The following ZNF175 variants were observed in gnomAD, a reference collection of about 807,000 sequenced individuals.
ZNF175 encodes zinc finger protein OTK18.
Under a neutral mutation model 14.0 loss-of-function variants are expected in ZNF175, and 8 were observed. The observed-to-expected ratio is 0.57, with a 90% confidence interval of 0.34 to 1.03. The LOEUF is 1.03. ZNF175 is among the 50% of genes least tolerant of loss of function. The pLI is 0.03. For synonymous variants in ZNF175, 255 were observed against 296.8 expected (o/e 0.86, Z 1.45); for missense variants, 764 against 849.5 (o/e 0.90, Z 1.25).
intron 2 of ZNF175, chr19:51,574,264 A>G (rs1170512067): frequency 1.3e-5 from 2 of 151,648 alleles, no homozygotes; most frequent in East Asian, 1.9e-4. Flanking sequence ...TCAACCTGCT[A>G]GAAACATTTG....
chr19:51,575,102 CT>C (rs957177083), intron 2 of ZNF175, among the ~76,000 whole-genome samples: 11 of 149,356 alleles, frequency 7.4e-5, no homozygotes, highest in Non-Finnish European at 1.2e-4. Flanking sequence ...TACAAACAGG[CT>C]TTTTTTTCAT....
intron 1 of ZNF175, among the ~76,000 whole-genome samples, chr19:51,571,992 G>C (rs1158390325): frequency 6.6e-6 from 1 of 152,204 alleles, no homozygotes. Context: ...TCTAGGCAGT[G>C]AGTGTTGGGG....
rs778916993 is a variant in ZNF175 at position 51,588,185 on chromosome 19, C to T, written c.1854C>T (p.Tyr618=). The change falls in exon 5 of 5, where the codon TAC becomes TAT. Residue 618 remains tyrosine, a synonymous_variant. Coordinates refer to ENST00000262259, the MANE Select transcript of ZNF175 (RefSeq NM_007147.4). ...THTRERPFVC[Y]KCGKAFVQKS... ...CTAGAGAGAGGCCTTTTGTCTGTTACAAATGTGGGAAGGCTTTTGTCCAGA... is the reference window on the plus strand; with the variant it reads ...CTAGAGAGAGGCCTTTTGTCTGTTATAAATGTGGGAAGGCTTTTGTCCAGA... 16 of 1,613,842 alleles carry T rather than the reference C, an allele frequency of 9.9e-6. No homozygotes were observed. In the East Asian group the frequency reaches 3.3e-4, roughly 34 times the overall value.
At chr19:51,576,156 T>G (rs868207878) in intron 2 of ZNF175, among the ~76,000 whole-genome samples, 63 of 150,600 alleles carry the variant, frequency 4.2e-4, no homozygotes, top group Non-Finnish European at 6.8e-4. Context: ...TTTTTTGTTT[T>G]TTTTTTTTTT....
Position 51,587,200 on chromosome 19 carries a change from A to G in ZNF175, c.869A>G (p.Gln290Arg), listed in dbSNP as rs748092813. The change falls in exon 5 of 5, where the codon CAG becomes CGG. Residue 290 changes from glutamine (Q) to arginine (R), a missense_variant. Coordinates refer to ENST00000262259, the MANE Select transcript of ZNF175 (RefSeq NM_007147.4). ...GCSECGGSFT[Q>R]KSHLFAQQRI... ...TCTGAATGTGGGGGGAGCTTCACCC[A>G]GAAGTCACACCTCTTTGCCCAACAG... The G allele has an allele frequency of 6.2e-7, 1 of 1,614,254 alleles. No homozygotes were observed.
In ZNF175 at chr19:51,590,226, C is replaced by T. The variant is rs1982310573; in HGVS notation, c.*1759C>T. On this transcript the variant is annotated 3_prime_UTR_variant, in exon 5 of 5. Coordinates refer to ENST00000262259, the MANE Select transcript of ZNF175 (RefSeq NM_007147.4). ...CCTGCATTTGATTCCTGGCTCCACT[C>T]TCTACCCTCTGCATCTGCTGAGCAA... 1 of 152,616 alleles carries T rather than the reference C, an allele frequency of 6.6e-6. No homozygotes were observed. The highest frequency in any genetic ancestry group is 2.1e-4 in the South Asian group (1 of 4,854). The allele number at this position is 152,616 out of a possible 1,614,324, so 9.5% of individuals were successfully genotyped here. A position where few individuals can be genotyped will look rare whatever the true frequency, so the allele number is the denominator to read the frequency against.
intron 2 of ZNF175, 125 bp from the exon 3 acceptor site, chr19:51,581,266 G>C: frequency 7.5e-7 from 1 of 1,337,722 alleles, no homozygotes; most frequent in Non-Finnish European, 1.0e-6. Context: ...TGAAATAGGT[G>C]TTTGGTGGGA....
intron 3 of ZNF175, 83 bp from the exon 4 acceptor site, chr19:51,581,704 A>T: frequency 6.5e-7 from 1 of 1,548,938 alleles, no homozygotes; most frequent in African/African-American, 1.4e-5. Context: ...TGACTTTTCT[A>T]ATGAGCCAGT....
Position 51,587,165 on chromosome 19 carries a change from AG to A in ZNF175, c.835del (p.Asp279MetfsTer25). On this transcript the variant is annotated frameshift_variant, in exon 5 of 5. Coordinates refer to ENST00000262259, the MANE Select transcript of ZNF175 (RefSeq NM_007147.4). LOFTEE classifies it low-confidence loss of function (END_TRUNC). The part of the protein sequence containing the change: ...QHQIHTQKKP[D>X]GCSECGGSFT... ...ATCAAATTCATACTCAGAAGAAACC[AG>A]ATGGATGTTCTGAATGTGGGGGGAG... The A allele has an allele frequency of 6.2e-7, 1 of 1,614,240 alleles. No individual in the cohort carries two copies. The highest frequency in any genetic ancestry group is 2.2e-5 in the East Asian group (1 of 44,890).
rs2122578707 is a variant in ZNF175 at position 51,587,769 on chromosome 19, T to C, written c.1438T>C (p.Cys480Arg). The change falls in exon 5 of 5, where the codon TGT becomes CGT. Residue 480 changes from cysteine to arginine, a missense_variant. Coordinates refer to ENST00000262259, the MANE Select transcript of ZNF175 (RefSeq NM_007147.4). ...AGAAAAACCTTATCAGTGCCACAACTGTGGGAAATCCTTCATTTCCAAGTC... is the reference window on the plus strand; with the variant it reads ...AGAAAAACCTTATCAGTGCCACAACCGTGGGAAATCCTTCATTTCCAAGTC... ...TGEKPYQCHN[C>R]GKSFISKSQL... 1 of 1,614,184 alleles carries C rather than the reference T, an allele frequency of 6.2e-7. No individual in the cohort carries two copies.
chr19:51,572,597 G>A (rs973360700), intron 1 of ZNF175, among the ~76,000 whole-genome samples: 1 of 152,178 alleles, frequency 6.6e-6, no homozygotes, highest in Non-Finnish European at 1.5e-5. Context: ...TCTGGAAGCT[G>A]GCCACGTATG....
At chr19:51,576,937 AAACTT>A (rs1981809222) in intron 2 of ZNF175, among the ~76,000 whole-genome samples, 1 of 152,180 alleles carries the variant, frequency 6.6e-6, no homozygotes, top group Non-Finnish European at 1.5e-5. Context: ...AACGGAGACT[AAACTT>A]AAGAATAGGA....
Position 51,588,878 on chromosome 19 carries a change from C to T in ZNF175, c.*411C>T. On this transcript the variant is annotated 3_prime_UTR_variant, in exon 5 of 5. Transcript: ENST00000262259. ...TATCAATATTTTTAAAGTGCCAACA[C>T]AGTCATGATAGGACAATATTTTATG... 2.5e-6 allele frequency: 1 copy of T among 401,788 alleles called. No individual in the cohort carries two copies. The highest frequency in any genetic ancestry group is 3.6e-5 in the East Asian group (1 of 28,062). The allele number at this position is 401,788 out of a possible 1,614,324, so 24.9% of individuals were successfully genotyped here. A position where few individuals can be genotyped will look rare whatever the true frequency, so the allele number is the denominator to read the frequency against.
At chr19:51,577,923 A>G (rs1568573779) in intron 2 of ZNF175, among the ~76,000 whole-genome samples, 2 of 150,894 alleles carry the variant, frequency 1.3e-5, no homozygotes, top group South Asian at 4.2e-4. Flanking sequence ...TTGGCCTCCC[A>G]AAGTGCTGGG....
At position 51,589,459 on chromosome 19, in the gene ZNF175, TAC is replaced by T. The variant is rs1982285978; in HGVS notation, c.*996_*997del. On this transcript the variant is annotated 3_prime_UTR_variant, in exon 5 of 5. Coordinates refer to ENST00000262259, the MANE Select transcript of ZNF175 (RefSeq NM_007147.4). ...CAATGATTAACTCCTTTATTATACA[TAC>T]ACATGAATGTGCATTTTTGGTAAAT... is the stretch of plus-strand genomic sequence containing the variant. The T allele has an allele frequency of 2.4e-5, 16 of 676,108 alleles. No homozygotes were observed. Among genetic ancestry groups the T allele is most frequent in the Non-Finnish European group, 3.7e-5 (14 of 373,366 alleles). 41.9% of individuals were successfully genotyped at this position (676,108 alleles called of 1,614,324 possible).
At position 51,588,223 on chromosome 19, in the gene ZNF175, T is replaced by G. The variant is rs1982238432; in HGVS notation, c.1892T>G (p.Ile631Ser). 1 of 1,613,774 alleles carries G rather than the reference T, an allele frequency of 6.2e-7. No homozygotes were observed. Among genetic ancestry groups the G allele is most frequent in the African/African-American group, 1.3e-5 (1 of 74,812 alleles). ...GKAFVQKSEL[I>S]THQRTHMGEK... is the part of the protein sequence containing the mutation. Reference sequence around the variant, plus strand: ...GCTTTTGTCCAGAAATCAGAGTTGATTACCCATCAAAGAACTCACATGGGA... The same window carrying G: ...GCTTTTGTCCAGAAATCAGAGTTGAGTACCCATCAAAGAACTCACATGGGA... The change falls in exon 5 of 5, where the codon ATT becomes AGT. Residue 631 changes from isoleucine (I) to serine (S), a missense_variant. Physicochemically the swap from Ile to Ser is moderately radical, Grantham distance 142. Coordinates refer to ENST00000262259, the MANE Select transcript of ZNF175 (RefSeq NM_007147.4).
intron 1 of ZNF175, among the ~76,000 whole-genome samples, 183 bp downstream of exon 1, chr19:51,571,658 C>T (rs576006572): frequency 1.7e-4 from 26 of 152,220 alleles, no homozygotes; most frequent in Middle Eastern, 3.4e-3. Flanking sequence ...ACTTTAATAT[C>T]GGATTTTATA....
rs927754973 is a variant in ZNF175 at position 51,588,901 on chromosome 19, ATGTG to A, written c.*443_*446del. On this transcript the variant is annotated 3_prime_UTR_variant, in exon 5 of 5. Transcript: ENST00000262259. Reference sequence around the variant, plus strand: ...CACAGTCATGATAGGACAATATTTTATGTGTGTGTGTGCGCCTTATGTATATAAG... The same window carrying A: ...CACAGTCATGATAGGACAATATTTTATGTGTGTGCGCCTTATGTATATAAG... The A allele has an allele frequency of 5.0e-6, 2 of 398,080 alleles. No homozygotes were observed. The highest frequency in any genetic ancestry group is 4.4e-6 in the Non-Finnish European group (1 of 226,378). 24.7% of individuals were successfully genotyped at this position (398,080 alleles called of 1,614,324 possible). A position where few individuals can be genotyped will look rare whatever the true frequency, so the allele number is the denominator to read the frequency against.
rs1443092197 is a variant in ZNF175, at chr19:51,588,393, A to G, written c.2062A>G (p.Lys688Glu). The G allele has an allele frequency of 6.2e-7, 1 of 1,610,732 alleles. No individual in the cohort carries two copies. The highest frequency in any genetic ancestry group is 1.3e-5 in the African/African-American group (1 of 74,698). ...KAFNNRSNFN[K>E]HQTTHTRDKS... is the part of the protein sequence containing the mutation. ...CTTCAACAACAGGTCAAACTTCAATAAACACCAAACAACTCATACCAGAGA... is the reference window on the plus strand; with the variant it reads ...CTTCAACAACAGGTCAAACTTCAATGAACACCAAACAACTCATACCAGAGA... The change falls in exon 5 of 5, where the codon AAA (lysine) becomes GAA (glutamate). Residue 688 changes from lysine to glutamate, a missense_variant. Physicochemically the swap from Lys to Glu is moderately conservative, Grantham distance 56 (BLOSUM62 1). Coordinates refer to ENST00000262259, the MANE Select transcript of ZNF175 (RefSeq NM_007147.4).
Sources: gnomAD v4.1 joint callset for allele counts (sites outside exome capture counted in the v4.1 genomes callset) on GRCh38, gnomAD v4.1.1 for gene constraint, MANE v1.5 for transcripts, NCBI Gene and HGNC (gene_info 2026-07-23, HGNC 2026-07-21) for gene names.